TNPO2: variants seen among roughly 807,000 people sequenced by gnomAD.
TNPO2 encodes the protein transportin 2.
A neutral mutation model predicts 111.1 loss-of-function variants in TNPO2; 16 were observed. That is an observed-to-expected ratio of 0.14 (90% CI 0.10 to 0.22). The LOEUF is 0.22. TNPO2 is among the 10% of genes least tolerant of loss of function. The pLI is 1.00. For missense variants in TNPO2, 530 were observed against 1,173.7 expected, an observed-to-expected ratio of 0.45 and a Z score of 8.01; for synonymous variants, 481 against 475.8, an observed-to-expected ratio of 1.01 and a Z score of -0.14.
chr19:12,721,347 C>CGAGG lies in TNPO2; in HGVS notation c.-13-361_-13-358dup. 7.9e-7 allele frequency: 1 copy of CGAGG among 1,258,750 alleles called. No individual in the cohort carries two copies. Among genetic ancestry groups the CGAGG allele is most frequent in the Non-Finnish European group, 1.0e-6 (1 of 973,858 alleles). 78.0% of individuals were successfully genotyped at this position (1,258,750 alleles called of 1,614,324 possible). On this transcript the variant is annotated intron_variant, in intron 2 of 25. Coordinates refer to ENST00000425528, the MANE Select transcript of TNPO2 (RefSeq NM_001382241.1). This position sits in a 1 kb window ranked among gnomAD's most constrained non-coding sequence, Gnocchi z 4.9. ...TTCCACCTCCCTCGCAGCGGCTGGG[C>CGAGG]GAGGGCCCAGCCGCCTCCACATCCA...
rs2025705939 is a variant in TNPO2 at position 12,706,879 on chromosome 19, A to G, written c.1271-84T>C. ...ATGGAGAGAAGAGTCAGCCGCACAC[A>G]ACATATAGGGAAACTGAGGCTTAGA... On this transcript the variant is annotated intron_variant, in intron 13 of 25. Coordinates refer to ENST00000425528, the MANE Select transcript of TNPO2 (RefSeq NM_001382241.1). The surrounding 1 kb of genome is among the most constrained non-coding windows in gnomAD (Gnocchi z 7.0). The G allele has an allele frequency of 3.0e-5, 34 of 1,142,980 alleles. No homozygotes were observed. The highest frequency in any genetic ancestry group is 3.9e-5 in the Non-Finnish European group (31 of 786,342). 70.8% of individuals were successfully genotyped at this position (1,142,980 alleles called of 1,614,324 possible).
rs1016727566 is a variant in TNPO2, at chr19:12,710,789, C to A, written c.1118-16G>T. 4.4e-6 allele frequency: 7 copies of A among 1,600,502 alleles called. No homozygotes were observed. In the Admixed American group the frequency reaches 6.9e-5, roughly 16 times the overall value. On this transcript the variant is annotated splice_polypyrimidine_tract_variant and intron_variant, in intron 12 of 25. Coordinates refer to ENST00000425528, the MANE Select transcript of TNPO2 (RefSeq NM_001382241.1). ...GAGCACTTCCCTGGGGAAGGGGGAA[C>A]AATGGGGAGGCTCAGGGCGGCCCCT...
At chr19:12,714,617 T>C (rs1465100553) in intron 10 of TNPO2, among the ~76,000 whole-genome samples, 2 of 152,148 alleles carry the variant, frequency 1.3e-5, no homozygotes, top group Non-Finnish European at 2.9e-5. Context: ...TGGCCATTGA[T>C]TTTTCATTTC....
intron 12 of TNPO2, 53 bp from the exon 13 acceptor site, chr19:12,710,826 C>A: frequency 6.5e-7 from 1 of 1,532,436 alleles, no homozygotes; most frequent in Non-Finnish European, 8.8e-7. Context: ...AGGCAGGTGG[C>A]CGACCCTCCT....
Position 12,702,010 on chromosome 19 carries a change from CG to C in TNPO2, c.2411+61del. 6.5e-7 allele frequency: 1 copy of C among 1,533,668 alleles called. No individual in the cohort carries two copies. The highest frequency in any genetic ancestry group is 9.0e-7 in the Non-Finnish European group (1 of 1,108,226). ...GCAGATGGGGCTGGAAATGCACAGGCGAGGGAGGGGGTTGGGCCAGTCCCGC... is the reference window on the plus strand; with the variant it reads ...GCAGATGGGGCTGGAAATGCACAGGCAGGGAGGGGGTTGGGCCAGTCCCGC... On this transcript the variant is annotated intron_variant, in intron 22 of 25. Transcript: ENST00000425528. The surrounding 1 kb of genome is among the most constrained non-coding windows in gnomAD (Gnocchi z 5.5).
At chr19:12,718,696 AT>A (rs1396580481) in intron 5 of TNPO2, among the ~76,000 whole-genome samples, 1 of 152,204 alleles carries the variant, frequency 6.6e-6, no homozygotes, top group African/African-American at 2.4e-5. Context: ...GAATACCTGC[AT>A]TATTTTAACT....
rs372019164 is a variant in TNPO2 at position 12,702,134 on chromosome 19, G to T, written c.2349C>A (p.Gly783=). The T allele has an allele frequency of 9.9e-6, 16 of 1,613,476 alleles. No individual in the cohort carries two copies. In the African/African-American group the frequency reaches 1.6e-4, roughly 16 times the overall value. The change falls in exon 22 of 26, where the codon GGC becomes GGA. Residue 783 remains glycine (G), a synonymous_variant. Transcript: ENST00000425528. This position sits in a 1 kb window ranked among gnomAD's most constrained non-coding sequence, Gnocchi z 5.5. ...CCTGGGGGCACACGTAGCCCAAGCG[G>T]CCGATGGTGATGGCTGGAATGGCAG... ...SPSAIPAITI[G]RLGYVCPQEV...
intron 10 of TNPO2, among the ~76,000 whole-genome samples, chr19:12,712,947 G>A (rs2026148231): frequency 6.6e-6 from 1 of 152,168 alleles, no homozygotes; most frequent in Non-Finnish European, 1.5e-5. Flanking sequence ...GTGCACTGGT[G>A]CGATCACAGC....
At position 12,715,595 on chromosome 19, in the gene TNPO2, C is replaced by G. The variant is rs773611852; in HGVS notation, c.432+38G>C. Reference sequence around the variant, plus strand: ...GGTGGTGGGTGGTGGTCCCAGCCCCCCAGTACTCGCTCTGGCCATCCATGG... The same window carrying G: ...GGTGGTGGGTGGTGGTCCCAGCCCCGCAGTACTCGCTCTGGCCATCCATGG... On this transcript the variant is annotated intron_variant, in intron 6 of 25. Coordinates refer to ENST00000425528, the MANE Select transcript of TNPO2 (RefSeq NM_001382241.1). This position sits in a 1 kb window ranked among gnomAD's most constrained non-coding sequence, Gnocchi z 7.1. The G allele has an allele frequency of 3.7e-6, 6 of 1,613,478 alleles. No homozygotes were observed. In the African/African-American group the frequency reaches 6.7e-5, roughly 18 times the overall value.
chr19:12,712,427 T>C (rs1263446088), intron 10 of TNPO2, among the ~76,000 whole-genome samples: 2 of 152,186 alleles, frequency 1.3e-5, no homozygotes, highest in Non-Finnish European at 2.9e-5. Context: ...CCCGCAGTTA[T>C]CCGGAGGCCT....
At chr19:12,711,196 GATCAGCTTCTA>G in intron 12 of TNPO2, 89 bp downstream of exon 12, 11 of 1,495,920 alleles carry the variant, frequency 7.4e-6, no homozygotes, top group African/African-American at 5.5e-5. Flanking sequence ...GCCCGGCCAC[GATCAGCTTCTA>G]ATCAGCTTCT....
chr19:12,709,711 G>C (rs542310674), intron 13 of TNPO2, among the ~76,000 whole-genome samples: 14 of 146,448 alleles, frequency 9.6e-5, no homozygotes, highest in African/African-American at 3.5e-4. Context: ...TTGAACACCT[G>C]GGCTCAAACG....
rs1555719408 is a variant in TNPO2 at position 12,715,589 on chromosome 19, A to G, written c.432+44T>C. ...AACGTGGGTGGTGGGTGGTGGTCCC[A>G]GCCCCCCAGTACTCGCTCTGGCCAT... On this transcript the variant is annotated intron_variant, in intron 6 of 25. Transcript: ENST00000425528. This position sits in a 1 kb window ranked among gnomAD's most constrained non-coding sequence, Gnocchi z 7.1. 1 of 1,613,518 alleles carries G rather than the reference A, an allele frequency of 6.2e-7. No homozygotes were observed. The highest frequency in any genetic ancestry group is 1.1e-5 in the South Asian group (1 of 91,060).
Position 12,715,866 on chromosome 19 carries a change from C to A in TNPO2, c.326-127G>T. The A allele has an allele frequency of 2.8e-6, 2 of 706,782 alleles. No individual in the cohort carries two copies. The highest frequency in any genetic ancestry group is 2.8e-5 in the Admixed American group (1 of 35,474). The allele number at this position is 706,782 out of a possible 1,614,324, so 43.8% of individuals were successfully genotyped here. ...CCCATGTACGCCCTCTACATCCCCC[C>A]TCCTTTTTTTTTTCTTTGTAAGAGA... On this transcript the variant is annotated intron_variant, in intron 5 of 25. Coordinates refer to ENST00000425528, the MANE Select transcript of TNPO2 (RefSeq NM_001382241.1). The surrounding 1 kb of genome is among the most constrained non-coding windows in gnomAD (Gnocchi z 7.1).
At chr19:12,716,951 T>C (rs2026396060) in intron 5 of TNPO2, among the ~76,000 whole-genome samples, 1 of 152,100 alleles carries the variant, frequency 6.6e-6, no homozygotes, top group Admixed American at 6.5e-5. Context: ...GGGATGCTTG[T>C]ACTGCCTATT....
intron 3 of TNPO2, among the ~76,000 whole-genome samples, chr19:12,720,529 C>T (rs1161562369): frequency 6.6e-6 from 1 of 152,144 alleles, no homozygotes; most frequent in African/African-American, 2.4e-5. Context: ...CTATGTTGCC[C>T]AGGCTGGTCT....
intron 11 of TNPO2, 43 bp from the exon 12 acceptor site, chr19:12,711,504 C>G: frequency 6.2e-7 from 1 of 1,613,826 alleles, no homozygotes; most frequent in Non-Finnish European, 8.5e-7. Flanking sequence ...GGACCACAGC[C>G]GCGACACCCA....
Position 12,721,562 on chromosome 19 carries a change from C to T in TNPO2, c.-13-572G>A. On this transcript the variant is annotated intron_variant, in intron 2 of 25. Transcript: ENST00000425528. The surrounding 1 kb of genome is among the most constrained non-coding windows in gnomAD (Gnocchi z 4.9). ...TCCCAAGACGATCGTCCTGATCTCT[C>T]CTGTCCCCTGTTCCTGCCCTTCAAG... 3.2e-6 allele frequency: 1 copy of T among 307,950 alleles called. No individual in the cohort carries two copies. Among genetic ancestry groups the T allele is most frequent in the Non-Finnish European group, 6.3e-6 (1 of 158,624 alleles). The allele number at this position is 307,950 out of a possible 1,614,324, so 19.1% of individuals were successfully genotyped here. A position where few individuals can be genotyped will look rare whatever the true frequency, so the allele number is the denominator to read the frequency against.
rs530904559 is a variant in TNPO2 at position 12,717,656 on chromosome 19, A to G, written c.325+1373T>C. Among the ~76,000 whole-genome samples the G allele has an allele frequency of 1.8e-4, 28 of 152,158 alleles. No homozygotes were observed. In the South Asian group the frequency reaches 4.6e-3, roughly 25 times the overall value. On this transcript the variant is annotated intron_variant, in intron 5 of 25. Coordinates refer to ENST00000425528, the MANE Select transcript of TNPO2 (RefSeq NM_001382241.1). ...GTCCACATCCTACTACTGGCCTGGG[A>G]GGGGGTTTTTGCAGGACTAAAAGTT...
Sources: allele counts gnomAD v4.1 joint callset (sites outside exome capture counted in the v4.1 genomes callset), GRCh38; gene constraint gnomAD v4.1.1; non-coding constraint Gnocchi (gnomAD v3.1); transcripts MANE v1.5; gene names NCBI Gene and HGNC (gene_info 2026-07-23, HGNC 2026-07-21).